Variants in SRPK1 observed in about 807,000 individuals in gnomAD.
The protein encoded by SRPK1 is SFRS protein kinase 1.
Under a neutral mutation model 89.5 loss-of-function variants are expected in SRPK1, and 52 were observed. The observed-to-expected ratio is 0.58, with a 90% CI of 0.46 to 0.73. The LOEUF (loss-of-function observed/expected upper bound fraction) is 0.73. Among genes scored for constraint, SRPK1 ranks in the 30% least tolerant of loss-of-function variants. SRPK1 has a pLI of 0.00. For missense variants in SRPK1, 603 were observed against 780.6 expected (o/e 0.77, Z 2.71); for synonymous variants, 255 against 270.2 (o/e 0.94, Z 0.55).
At chr6:35,903,237 C>T (rs968066093) in intron 2 of SRPK1, among the ~76,000 whole-genome samples, 1 of 152,084 alleles carries the variant, frequency 6.6e-6, no homozygotes, top group Non-Finnish European at 1.5e-5. Context: ...CACAAGAGGC[C>T]GTGGTGGCTC....
chr6:35,890,284 C>T (rs1012821589), intron 3 of SRPK1, among the ~76,000 whole-genome samples: 8 of 152,130 alleles, frequency 5.3e-5, no homozygotes, highest in African/African-American at 1.7e-4. Context: ...CCCCAAAAAA[C>T]CAGAAAACAG....
intron 13 of SRPK1, among the ~76,000 whole-genome samples, chr6:35,852,702 C>T (rs1377046787): frequency 6.6e-6 from 1 of 152,162 alleles, no homozygotes; most frequent in Admixed American, 6.5e-5. Flanking sequence ...GCTCTTGGGT[C>T]AAATTACTAC....
At chr6:35,861,984 G>A (rs1769791961) in intron 12 of SRPK1, among the ~76,000 whole-genome samples, 1 of 152,164 alleles carries the variant, frequency 6.6e-6, no homozygotes, top group African/African-American at 2.4e-5. Flanking sequence ...CAGAGACCAA[G>A]CTTCTCTAAG....
intron 2 of SRPK1, chr6:35,904,829 A>G (rs886454512): frequency 4.6e-6 from 1 of 216,920 alleles, no homozygotes; most frequent in Non-Finnish European, 9.3e-6. Flanking sequence ...AAAGTAAAAT[A>G]AAAAAATAAA....
In SRPK1 at chr6:35,884,173, A is replaced by G. The variant is rs145372526; in HGVS notation, c.478+2551T>C. ...TAAGAGGAGCTAGCAAAACAGACAGAATACAGCATGAAAAAAAAAGTATCC... is the reference window on the plus strand; with the variant it reads ...TAAGAGGAGCTAGCAAAACAGACAGGATACAGCATGAAAAAAAAAGTATCC... On this transcript the variant is annotated intron_variant, in intron 6 of 15. Coordinates refer to ENST00000373825, the MANE Select transcript of SRPK1 (RefSeq NM_003137.5). 9.4e-3 allele frequency among the ~76,000 whole-genome samples: 1,433 copies of G among 152,266 alleles called. 15 individuals are homozygous for G. The highest frequency in any genetic ancestry group is 0.014 in the Non-Finnish European group (958 of 68,024).
chr6:35,870,257 AT>A (rs776380089), intron 10 of SRPK1, 23 bp downstream of exon 10: 22 of 1,597,768 alleles, frequency 1.4e-5, no homozygotes, highest in Non-Finnish European at 1.8e-5. Flanking sequence ...TTGTACAGTA[AT>A]TTTCGTGATG....
intron 5 of SRPK1, 171 bp downstream of exon 5, chr6:35,887,853 T>C (rs1770442244): frequency 2.3e-6 from 1 of 430,498 alleles, no homozygotes; most frequent in Non-Finnish European, 4.0e-6. Context: ...AGTTCCCTAC[T>C]ACATGCATGG....
At chr6:35,920,944 G>A (rs574357744) in intron 1 of SRPK1, 100 bp downstream of exon 1, 5 of 1,376,104 alleles carry the variant, frequency 3.6e-6, no homozygotes, top group African/African-American at 3.0e-5. Flanking sequence ...CCGCACGTCC[G>A]GGAACCGAAC....
chr6:35,858,724 C>CA (rs1173130968), intron 12 of SRPK1, among the ~76,000 whole-genome samples: 2 of 151,520 alleles, frequency 1.3e-5, no homozygotes, highest in Admixed American at 6.6e-5. Flanking sequence ...ATGTACTCTA[C>CA]AAAAAAGATG....
intron 12 of SRPK1, among the ~76,000 whole-genome samples, chr6:35,867,570 C>T (rs1443472067): frequency 6.6e-6 from 1 of 152,140 alleles, no homozygotes; most frequent in East Asian, 1.9e-4. Flanking sequence ...AGTCCCAACA[C>T]TTTGGGAGGC....
At chr6:35,889,170 C>T (rs1377194288) in intron 3 of SRPK1, among the ~76,000 whole-genome samples, 5 of 151,876 alleles carry the variant, frequency 3.3e-5, no homozygotes, top group Non-Finnish European at 7.4e-5. Flanking sequence ...CAGTCTCATC[C>T]AAAAACAATA....
At chr6:35,907,267 G>C (rs143543029) in intron 2 of SRPK1, among the ~76,000 whole-genome samples, 5 of 152,032 alleles carry the variant, frequency 3.3e-5, no homozygotes, top group African/African-American at 1.2e-4. Context: ...AGAAAATTAG[G>C]AAAATTTGAA....
intron 13 of SRPK1, among the ~76,000 whole-genome samples, chr6:35,856,696 G>A (rs143914719): frequency 6.6e-6 from 1 of 152,232 alleles, no homozygotes; most frequent in East Asian, 1.9e-4. Context: ...ATATTAAGGA[G>A]TATAATACAT....
chr6:35,920,989 G>A (rs771851657), intron 1 of SRPK1, 55 bp downstream of exon 1: 2 of 1,506,598 alleles, frequency 1.3e-6, no homozygotes, highest in Non-Finnish European at 1.8e-6. Flanking sequence ...GCGCTGACCC[G>A]GGCCTCGCCC....
At chr6:35,901,076 CT>C (rs1219244792) in intron 2 of SRPK1, among the ~76,000 whole-genome samples, 1 of 152,188 alleles carries the variant, frequency 6.6e-6, no homozygotes, top group Non-Finnish European at 1.5e-5. Context: ...CTTTAGTTTA[CT>C]TACATATAAA....
chr6:35,897,157 A>G (rs890007343), intron 2 of SRPK1, among the ~76,000 whole-genome samples: 3 of 152,234 alleles, frequency 2.0e-5, no homozygotes, highest in African/African-American at 7.2e-5. Flanking sequence ...ACAATTCTGA[A>G]TATGTTAAAA....
intron 14 of SRPK1, among the ~76,000 whole-genome samples, chr6:35,839,161 A>AT (rs778652443): frequency 4.3e-4 from 66 of 152,218 alleles, no homozygotes; most frequent in Non-Finnish European, 6.3e-4. Context: ...GATTTCAGGC[A>AT]TGTGCCACCA....
At chr6:35,894,436 AGAGAT>A (rs1438044374) in intron 2 of SRPK1, among the ~76,000 whole-genome samples, 1 of 152,226 alleles carries the variant, frequency 6.6e-6, no homozygotes, top group African/African-American at 2.4e-5. Context: ...ATGCTCAAAA[AGAGAT>A]GAGACAAACA....
intron 13 of SRPK1, 61 bp from the exon 14 acceptor site, chr6:35,842,665 G>T: frequency 7.6e-7 from 1 of 1,317,844 alleles, no homozygotes; most frequent in South Asian, 1.5e-5. Flanking sequence ...TTGGAAAGCT[G>T]ATTGCTATTT....
Sources: allele counts gnomAD v4.1 joint callset (sites outside exome capture counted in the v4.1 genomes callset), GRCh38; gene constraint gnomAD v4.1.1; transcripts MANE v1.5; gene names NCBI Gene and HGNC (gene_info 2026-07-23, HGNC 2026-07-21).